Variants in AKR1C8 observed in about 807,000 individuals in gnomAD.
AKR1C8 encodes aldo-keto reductase family 1 member C-like protein 1.
At chr10:5,184,807 T>A in the AKR1C8 span, among the ~76,000 whole-genome samples, 1 of 152,128 alleles carries the variant, frequency 6.6e-6, no homozygotes, top group African/African-American at 2.4e-5. Flanking sequence ...AATCTCAGAA[T>A]CCCCACAATC....
At chr10:5,170,911 C>T in the AKR1C8 span, among the ~76,000 whole-genome samples, 8 of 152,122 alleles carry the variant, frequency 5.3e-5, no homozygotes, top group South Asian at 1.7e-3. Flanking sequence ...ATCAGGTAGA[C>T]CGAAACAAGT....
chr10:5,158,950 C>T, the AKR1C8 span, among the ~76,000 whole-genome samples: 1 of 152,006 alleles, frequency 6.6e-6, no homozygotes, highest in African/African-American at 2.4e-5. Flanking sequence ...TACCTTGTGC[C>T]CCAATTATAG....
At chr10:5,130,065 T>A in the AKR1C8 span, among the ~76,000 whole-genome samples, 2 of 151,730 alleles carry the variant, frequency 1.3e-5, no homozygotes, top group African/African-American at 4.8e-5. Flanking sequence ...AAAAAGATAA[T>A]ACATCATGAT....
chr10:5,137,817 T>C, the AKR1C8 span, among the ~76,000 whole-genome samples: 1 of 152,092 alleles, frequency 6.6e-6, no homozygotes, highest in Non-Finnish European at 1.5e-5. Context: ...AGTAGGACCG[T>C]GATGCCTGCC....
At chr10:5,138,531 C>T in the AKR1C8 span, among the ~76,000 whole-genome samples, 12 of 152,076 alleles carry the variant, frequency 7.9e-5, no homozygotes, top group Admixed American at 1.3e-4. Flanking sequence ...ACAAGTTTTA[C>T]AATCAATGTG....
chr10:5,134,724 CT>C, the AKR1C8 span, among the ~76,000 whole-genome samples: 1 of 152,158 alleles, frequency 6.6e-6, no homozygotes, highest in Non-Finnish European at 1.5e-5. Flanking sequence ...TCTCCAGACA[CT>C]GTTACCACAA....
At chr10:5,120,018 C>A in the AKR1C8 span, among the ~76,000 whole-genome samples, 1 of 152,146 alleles carries the variant, frequency 6.6e-6, no homozygotes, top group Non-Finnish European at 1.5e-5. Flanking sequence ...CTGTGACATG[C>A]TCATGATGGC....
the AKR1C8 span, among the ~76,000 whole-genome samples, chr10:5,133,353 A>C: frequency 6.6e-6 from 1 of 152,172 alleles, no homozygotes; most frequent in East Asian, 1.9e-4. Context: ...TCTGCCGCCC[A>C]AAATGCTGCG....
At chr10:5,173,208 A>G in the AKR1C8 span, among the ~76,000 whole-genome samples, 2 of 151,366 alleles carry the variant, frequency 1.3e-5, no homozygotes, top group Non-Finnish European at 3.0e-5. Flanking sequence ...GTTAACTGGG[A>G]AAAAAAACCT....
chr10:5,160,332 G>C, the AKR1C8 span, among the ~76,000 whole-genome samples: 1 of 151,960 alleles, frequency 6.6e-6, no homozygotes, highest in Non-Finnish European at 1.5e-5. Flanking sequence ...GGAGACTCTT[G>C]GGTTTTCTGT....
the AKR1C8 span, among the ~76,000 whole-genome samples, chr10:5,135,582 T>C: frequency 1.3e-5 from 2 of 151,920 alleles, no homozygotes; most frequent in Non-Finnish European, 2.9e-5. Context: ...CTATCTATCA[T>C]CTATCATCTG....
At chr10:5,120,969 G>T in the AKR1C8 span, among the ~76,000 whole-genome samples, 7 of 152,110 alleles carry the variant, frequency 4.6e-5, no homozygotes, top group East Asian at 1.4e-3. Flanking sequence ...TATATGTAAT[G>T]TATAAGTAAT....
the AKR1C8 span, among the ~76,000 whole-genome samples, chr10:5,144,182 G>T: frequency 1.3e-5 from 2 of 152,068 alleles, no homozygotes; most frequent in African/African-American, 4.8e-5. Context: ...TCAGATAGTT[G>T]TAGATATGCG....
chr10:5,134,400 AT>A, the AKR1C8 span, among the ~76,000 whole-genome samples: 1 of 152,204 alleles, frequency 6.6e-6, no homozygotes, highest in Non-Finnish European at 1.5e-5. Flanking sequence ...TAGCCTTGGA[AT>A]ACACGTTTTC....
the AKR1C8 span, among the ~76,000 whole-genome samples, chr10:5,176,011 G>A: frequency 3.3e-5 from 5 of 151,962 alleles, no homozygotes; most frequent in Admixed American, 6.6e-5. Flanking sequence ...TTTGTCTTTT[G>A]TTGCCATTGC....
the AKR1C8 span, among the ~76,000 whole-genome samples, chr10:5,122,481 C>G: frequency 6.6e-6 from 1 of 152,160 alleles, no homozygotes; most frequent in Admixed American, 6.5e-5. Flanking sequence ...AGTGTAGACA[C>G]AATACCTGCC....
chr10:5,135,331 A>G, the AKR1C8 span: 4 of 155,578 alleles, frequency 2.6e-5, no homozygotes, highest in African/African-American at 9.6e-5. Flanking sequence ...TACACTGCCC[A>G]CTGTCTGGGG....
At chr10:5,154,123 T>C in the AKR1C8 span, 1,038 of 467,338 alleles carry the variant, frequency 2.2e-3, 5 homozygotes, top group African/African-American at 0.019. Flanking sequence ...GTGGTGGTAA[T>C]GTTCAATAGC....
the AKR1C8 span, among the ~76,000 whole-genome samples, chr10:5,133,073 A>G: frequency 2.6e-5 from 4 of 152,026 alleles, no homozygotes; most frequent in African/African-American, 9.7e-5. Flanking sequence ...AGTTATAAAT[A>G]TAGTCTTTAT....
Sources: allele counts gnomAD v4.1 joint callset (sites outside exome capture counted in the v4.1 genomes callset), GRCh38; gene constraint gnomAD v4.1.1; transcripts MANE v1.5; gene names NCBI Gene and HGNC (gene_info 2026-07-23, HGNC 2026-07-21).